Variants in GABRG3 observed in about 807,000 individuals in gnomAD.
The protein encoded by GABRG3 is gamma-aminobutyric acid type A receptor subunit gamma3, also known as gamma-aminobutyric acid receptor subunit gamma-3.
In GABRG3, 25 loss-of-function variants were observed where a neutral mutation model predicts 48.8. The observed-to-expected ratio is 0.51, with a 90% CI of 0.37 to 0.72. The LOEUF (loss-of-function observed/expected upper bound fraction) is 0.72, where lower values mean the gene tolerates loss of function less well. GABRG3 is among the 30% of genes least tolerant of loss of function. The pLI is 0.00. For synonymous variants in GABRG3, 227 were observed against 217.6 expected (o/e 1.04, Z -0.38); for missense variants, 394 against 577.9 (o/e 0.68, Z 3.26).
intron 3 of GABRG3, among the ~76,000 whole-genome samples, chr15:27,233,517 TCTC>T (rs1351682510): frequency 6.6e-6 from 1 of 152,034 alleles, no homozygotes; most frequent in Non-Finnish European, 1.5e-5. Flanking sequence ...AAGGCCACCT[TCTC>T]CTTGTGTCCT....
chr15:27,491,151 G>A (rs953543462), intron 6 of GABRG3, among the ~76,000 whole-genome samples: 19 of 152,198 alleles, frequency 1.2e-4, no homozygotes, highest in African/African-American at 3.6e-4. Context: ...AGATGCTCAC[G>A]CTGGTCTGGG....
intron 5 of GABRG3, among the ~76,000 whole-genome samples, chr15:27,403,371 A>G (rs943992320): frequency 6.6e-6 from 1 of 152,208 alleles, no homozygotes; most frequent in African/African-American, 2.4e-5. Flanking sequence ...GAGAGCTGAG[A>G]AATTTTCAAA....
At position 26,983,149 on chromosome 15, in the gene GABRG3, TGAC is replaced by T. The variant is rs1895084060; in HGVS notation, c.202+6000_202+6002del. Among the ~76,000 whole-genome samples the T allele has an allele frequency of 4.3e-5, 6 of 140,548 alleles. No individual in the cohort carries two copies. In the South Asian group the frequency reaches 1.5e-3, roughly 35 times the overall value. The allele number at this position is 140,548 out of a possible 152,430, so 92.2% of individuals were successfully genotyped here. A position where few individuals can be genotyped will look rare whatever the true frequency, so the allele number is the denominator to read the frequency against. The stretch of plus-strand genomic sequence containing the variant: ...CATCTGAATCCCTTTTCTTTTCTCA[TGAC>T]TTTTTTTTTTTTTCAAATCTAGCCA... On this transcript the variant is annotated intron_variant, in intron 2 of 9. Coordinates refer to ENST00000615808, the MANE Select transcript of GABRG3 (RefSeq NM_033223.5).
chr15:27,383,442 ACT>A (rs1895836085), intron 5 of GABRG3, among the ~76,000 whole-genome samples: 1 of 152,098 alleles, frequency 6.6e-6, no homozygotes, highest in Non-Finnish European at 1.5e-5. Flanking sequence ...GCTTTGGGCA[ACT>A]CATTTATGCC....
chr15:27,161,941 A>G (rs1412615970), intron 3 of GABRG3, among the ~76,000 whole-genome samples: 1 of 152,196 alleles, frequency 6.6e-6, no homozygotes, highest in Non-Finnish European at 1.5e-5. Context: ...TTCAAAGGAA[A>G]CAAAGATAAA....
At chr15:27,170,299 A>G (rs2140410164) in intron 3 of GABRG3, among the ~76,000 whole-genome samples, 1 of 152,346 alleles carries the variant, frequency 6.6e-6, no homozygotes, top group African/African-American at 2.4e-5. Context: ...AAGTGAAAAT[A>G]TACTGTTGTA....
chr15:27,134,684 C>T (rs778956076), intron 3 of GABRG3, among the ~76,000 whole-genome samples: 10 of 152,272 alleles, frequency 6.6e-5, no homozygotes, highest in East Asian at 5.8e-4. Flanking sequence ...TTGAAGGTGT[C>T]GCTAAAGTCA....
At position 27,533,215 on chromosome 15, in the gene GABRG3, C is replaced by T. The variant is rs901999983; in HGVS notation, c.*334C>T. ...TGCAAAGAAATCTGTAAAATGTGCA[C>T]GTGAATGTCTGAGATGCTCTCTCAG... On this transcript the variant is annotated 3_prime_UTR_variant, in exon 10 of 10. Transcript: ENST00000615808. 8 of 270,770 alleles carry T rather than the reference C, an allele frequency of 3.0e-5. No homozygotes were observed. Among genetic ancestry groups the T allele is most frequent in the Admixed American group, 5.0e-5 (1 of 19,992 alleles). 16.8% of individuals were successfully genotyped at this position (270,770 alleles called of 1,614,324 possible). A position where few individuals can be genotyped will look rare whatever the true frequency, so the allele number is the denominator to read the frequency against.
chr15:27,311,103 A>C (rs1892977609), intron 3 of GABRG3, among the ~76,000 whole-genome samples: 1 of 152,196 alleles, frequency 6.6e-6, no homozygotes, highest in Non-Finnish European at 1.5e-5. Flanking sequence ...TTTCCTGAGC[A>C]AGAAGACAGA....
At chr15:27,277,545 A>G (rs1341597274) in intron 3 of GABRG3, among the ~76,000 whole-genome samples, 1 of 152,218 alleles carries the variant, frequency 6.6e-6, no homozygotes. Context: ...TCAGTATAAA[A>G]ATATTCCCAG....
At chr15:27,407,082 C>T (rs1028000352) in intron 5 of GABRG3, among the ~76,000 whole-genome samples, 1 of 152,022 alleles carries the variant, frequency 6.6e-6, no homozygotes, top group African/African-American at 2.4e-5. Flanking sequence ...CACGTGCGAC[C>T]ACGGCCGGCT....
Position 27,347,447 on chromosome 15 carries a change from C to G in GABRG3, c.574+18559C>G, listed in dbSNP as rs552181775. Among the ~76,000 whole-genome samples, 273 of 152,242 alleles carry G rather than the reference C, an allele frequency of 1.8e-3. 1 individual carries two copies. The highest frequency in any genetic ancestry group is 6.1e-3 in the African/African-American group (255 of 41,530). ...GCTACAGTGCCCCCCAGTCTATTTC[C>G]TAGAAGCCCTAATCCCTGCTTACTA... On this transcript the variant is annotated intron_variant, in intron 5 of 9. Transcript: ENST00000615808.
At chr15:27,506,158 G>A (rs766761855) in intron 6 of GABRG3, among the ~76,000 whole-genome samples, 1 of 152,124 alleles carries the variant, frequency 6.6e-6, no homozygotes, top group Non-Finnish European at 1.5e-5. Flanking sequence ...AGGTTTATCA[G>A]TTGCAATGGG....
chr15:27,027,700 C>T (rs1289727431), intron 3 of GABRG3, among the ~76,000 whole-genome samples: 1 of 152,136 alleles, frequency 6.6e-6, no homozygotes, highest in African/African-American at 2.4e-5. Context: ...CTTAAAAAAT[C>T]TCCATATCAT....
intron 2 of GABRG3, among the ~76,000 whole-genome samples, chr15:27,000,939 C>T (rs889371312): frequency 3.1e-4 from 47 of 152,270 alleles, no homozygotes; most frequent in African/African-American, 1.1e-3. Flanking sequence ...AGATCCTGTT[C>T]CCAGTCATAT....
At chr15:27,461,137 G>A (rs142202168) in intron 5 of GABRG3, among the ~76,000 whole-genome samples, 2 of 152,194 alleles carry the variant, frequency 1.3e-5, no homozygotes, top group Non-Finnish European at 2.9e-5. Context: ...CAAGATGTGC[G>A]GCAGGCGCCT....
At chr15:27,404,316 C>T (rs1887569370) in intron 5 of GABRG3, among the ~76,000 whole-genome samples, 1 of 152,160 alleles carries the variant, frequency 6.6e-6, no homozygotes, top group South Asian at 2.1e-4. Flanking sequence ...CCTGGGCTGG[C>T]TGGGCTGGCA....
chr15:27,073,047 C>G (rs531511698), intron 3 of GABRG3, among the ~76,000 whole-genome samples: 4 of 152,190 alleles, frequency 2.6e-5, no homozygotes, highest in Non-Finnish European at 5.9e-5. Context: ...TGCATCCAGC[C>G]CAGGGTCCCG....
intron 3 of GABRG3, among the ~76,000 whole-genome samples, chr15:27,130,609 A>G (rs2140382448): frequency 6.6e-6 from 1 of 152,220 alleles, no homozygotes; most frequent in South Asian, 2.1e-4. Context: ...AGATTACATT[A>G]AATCTATAGA....
Sources: allele counts gnomAD v4.1 joint callset (sites outside exome capture counted in the v4.1 genomes callset), GRCh38; gene constraint gnomAD v4.1.1; transcripts MANE v1.5; gene names NCBI Gene and HGNC (gene_info 2026-07-23, HGNC 2026-07-21).